Variants in EYA1 observed in about 807,000 individuals in gnomAD.
EYA1 encodes protein phosphatase EYA1.
EYA1 carries 16 observed loss-of-function variants against 82.0 expected under a neutral mutation model. The observed-to-expected ratio is 0.20, with a 90% CI of 0.13 to 0.30. EYA1 has a LOEUF of 0.30. Ranked by LOEUF, EYA1 falls within the 10% of genes least tolerant of loss-of-function variation. The probability of loss-of-function intolerance (pLI) is 1.00; values close to 1 mark genes in which losing one functional copy is unlikely to be tolerated. For synonymous variants in EYA1, 261 were observed against 264.4 expected (o/e 0.99, Z 0.12); for missense variants, 633 against 730.7 (o/e 0.87, Z 1.54).
chr8:71,347,897 A>C (rs1274265283), intron 3 of EYA1, among the ~76,000 whole-genome samples: 1 of 151,088 alleles, frequency 6.6e-6, no homozygotes, highest in Middle Eastern at 3.2e-3. Flanking sequence ...AAAAAAAAAA[A>C]AAAAAAAAAA....
chr8:71,399,738 AT>A (rs1489291763), intron 2 of EYA1, among the ~76,000 whole-genome samples: 1 of 152,184 alleles, frequency 6.6e-6, no homozygotes, highest in Non-Finnish European at 1.5e-5. Context: ...TAATTTATCG[AT>A]TCAATGCTAT....
chr8:71,237,455 T>A (rs997716117), intron 12 of EYA1, among the ~76,000 whole-genome samples: 1 of 152,246 alleles, frequency 6.6e-6, no homozygotes, highest in Admixed American at 6.5e-5. Context: ...TCTTAGTTCT[T>A]TGATTGGTTA....
At chr8:71,484,859 C>A (rs963628402) in intron 2 of EYA1, among the ~76,000 whole-genome samples, 1 of 152,198 alleles carries the variant, frequency 6.6e-6, no homozygotes. Flanking sequence ...GCCTTGGCTC[C>A]AGACTGGCCT....
chr8:71,393,512 T>C (rs983926653), intron 2 of EYA1, among the ~76,000 whole-genome samples: 4 of 152,224 alleles, frequency 2.6e-5, no homozygotes, highest in African/African-American at 4.8e-5. Flanking sequence ...GTTCTCATTG[T>C]TCAATTCCCA....
In EYA1 at chr8:71,199,298, T is replaced by C. The variant is rs1158210046; in HGVS notation, c.*42A>G. On this transcript the variant is annotated 3_prime_UTR_variant, in exon 18 of 18. Coordinates refer to ENST00000340726, the MANE Select transcript of EYA1 (RefSeq NM_000503.6). ...GACTGGGGCCTGCTGGATCTGTCCC[T>C]GGTCACAGAGCAGCTGTGCGCTGTC... The C allele has an allele frequency of 2.8e-6, 4 of 1,439,444 alleles. No homozygotes were observed. Among genetic ancestry groups the C allele is most frequent in the East Asian group, 2.3e-5 (1 of 42,566 alleles). The allele number at this position is 1,439,444 out of a possible 1,614,324, so 89.2% of individuals were successfully genotyped here. A position where few individuals can be genotyped will look rare whatever the true frequency, so the allele number is the denominator to read the frequency against.
chr8:71,402,611 G>C (rs1460402138), intron 2 of EYA1, among the ~76,000 whole-genome samples: 1 of 152,126 alleles, frequency 6.6e-6, no homozygotes, highest in Non-Finnish European at 1.5e-5. Flanking sequence ...AGTAAAATTA[G>C]TTCTGAGTTT....
intron 11 of EYA1, among the ~76,000 whole-genome samples, chr8:71,267,846 C>A (rs1816052919): frequency 6.6e-6 from 1 of 152,142 alleles, no homozygotes; most frequent in African/African-American, 2.4e-5. Flanking sequence ...CCGCGCCCGG[C>A]CGAGATAAAA....
chr8:71,412,948 G>T (rs1016851923), intron 2 of EYA1, among the ~76,000 whole-genome samples: 2 of 152,168 alleles, frequency 1.3e-5, no homozygotes, highest in African/African-American at 4.8e-5. Context: ...GCTGTGCTAG[G>T]ATAGGGAGTT....
chr8:71,283,375 C>T (rs911680507), intron 9 of EYA1, among the ~76,000 whole-genome samples: 1 of 152,196 alleles, frequency 6.6e-6, no homozygotes. Flanking sequence ...GCTGTTCATC[C>T]TTCCAGCCAC....
At chr8:71,416,728 T>C (rs999512741) in intron 2 of EYA1, among the ~76,000 whole-genome samples, 6 of 152,170 alleles carry the variant, frequency 3.9e-5, no homozygotes, top group African/African-American at 9.6e-5. Flanking sequence ...ATATAGACTC[T>C]CAGGGCCACC....
At chr8:71,408,016 C>T (rs933281722) in intron 2 of EYA1, among the ~76,000 whole-genome samples, 136 of 151,664 alleles carry the variant, frequency 9.0e-4, no homozygotes, top group Middle Eastern at 6.9e-3. Flanking sequence ...AGACTAACAG[C>T]GGATCTCTCG....
At chr8:71,335,738 C>T (rs961289751) in intron 3 of EYA1, among the ~76,000 whole-genome samples, 1 of 152,084 alleles carries the variant, frequency 6.6e-6, no homozygotes, top group African/African-American at 2.4e-5. Context: ...TATTTCATTG[C>T]TAGCACACAG....
At chr8:71,244,335 T>A (rs1164570676) in intron 12 of EYA1, among the ~76,000 whole-genome samples, 5 of 152,240 alleles carry the variant, frequency 3.3e-5, no homozygotes, top group Non-Finnish European at 7.3e-5. Context: ...CTGAGAAATA[T>A]GTGGCTTCTG....
intron 2 of EYA1, among the ~76,000 whole-genome samples, chr8:71,414,533 T>C (rs770273096): frequency 6.6e-6 from 1 of 152,222 alleles, no homozygotes; most frequent in Non-Finnish European, 1.5e-5. Flanking sequence ...AGCCTATAGA[T>C]ATCTGTCTCA....
At chr8:71,475,054 T>C (rs1809543510) in intron 2 of EYA1, among the ~76,000 whole-genome samples, 2 of 152,068 alleles carry the variant, frequency 1.3e-5, no homozygotes, top group African/African-American at 4.8e-5. Context: ...ATCGCTTGAA[T>C]CTGGGATGCA....
At chr8:71,248,024 T>G (rs778741360) in intron 11 of EYA1, among the ~76,000 whole-genome samples, 2 of 152,238 alleles carry the variant, frequency 1.3e-5, no homozygotes, top group Non-Finnish European at 2.9e-5. Context: ...AGAATTACTC[T>G]ATTGTTCGTT....
intron 3 of EYA1, among the ~76,000 whole-genome samples, chr8:71,340,056 A>C (rs1824945553): frequency 6.6e-6 from 1 of 152,184 alleles, no homozygotes; most frequent in South Asian, 2.1e-4. Context: ...CTCTTATGAA[A>C]GTTAGCAAAT....
At chr8:71,510,004 A>T (rs1812476376) in intron 2 of EYA1, among the ~76,000 whole-genome samples, 1 of 151,332 alleles carries the variant, frequency 6.6e-6, no homozygotes, top group African/African-American at 2.4e-5. Context: ...TTGTTCTGTA[A>T]TAATATAGTA....
At chr8:71,282,786 T>C (rs1817953195) in intron 9 of EYA1, among the ~76,000 whole-genome samples, 1 of 152,190 alleles carries the variant, frequency 6.6e-6, no homozygotes, top group South Asian at 2.1e-4. Context: ...CTTCCAGATG[T>C]TGAAGACTCA....
Sources: allele counts gnomAD v4.1 joint callset (sites outside exome capture counted in the v4.1 genomes callset), GRCh38; gene constraint gnomAD v4.1.1; transcripts MANE v1.5; gene names NCBI Gene and HGNC (gene_info 2026-07-23, HGNC 2026-07-21).